The following EYS variants were observed in gnomAD, a reference collection of about 807,000 sequenced individuals.
EYS encodes the protein protein eyes shut homolog.
In EYS, 250 loss-of-function variants were observed where a neutral mutation model predicts 282.1. That is an observed-to-expected ratio of 0.89 (90% confidence interval 0.80 to 0.98). EYS has a LOEUF of 0.98. Among genes scored for constraint, EYS ranks in the 50% least tolerant of loss-of-function variants. The pLI is 0.00. For synonymous variants in EYS, 1,355 were observed against 1,282.9 expected, an observed-to-expected ratio of 1.06 and a Z score of -1.20; for missense variants, 4,016 against 3,709.0, an observed-to-expected ratio of 1.08 and a Z score of -2.15.
At chr6:64,155,745 A>G (rs1233171370) in intron 31 of EYS, among the ~76,000 whole-genome samples, 1 of 152,086 alleles carries the variant, frequency 6.6e-6, no homozygotes, top group Non-Finnish European at 1.5e-5. Context: ...TAAAATGTGT[A>G]TATTTTATTC....
chr6:64,784,407 T>C (rs1773954232), intron 22 of EYS, among the ~76,000 whole-genome samples: 1 of 152,176 alleles, frequency 6.6e-6, no homozygotes, highest in Non-Finnish European at 1.5e-5. Flanking sequence ...TTAAACCTTT[T>C]TATTTGGTCA....
intron 1 of EYS, among the ~76,000 whole-genome samples, chr6:65,659,763 C>G (rs897640293): frequency 1.3e-5 from 2 of 151,634 alleles, no homozygotes; most frequent in African/African-American, 4.8e-5. Flanking sequence ...ATTTTATGAA[C>G]TTACTATTTT....
chr6:64,568,404 C>G lies in EYS; in HGVS notation c.5644+21819G>C, dbSNP rs200047638. On this transcript the variant is annotated intron_variant, in intron 26 of 42. Coordinates refer to ENST00000503581, the MANE Select transcript of EYS (RefSeq NM_001142800.2). ...AGTGAGCATAGTGCCAAGACCTTTC[C>G]CTAGTCAAACGTAATAGTTTAAAAT... Among the ~76,000 whole-genome samples, 4 of 152,122 alleles carry G rather than the reference C, an allele frequency of 2.6e-5. No homozygotes were observed. In the East Asian group the frequency reaches 7.7e-4, roughly 29 times the overall value.
intron 12 of EYS, among the ~76,000 whole-genome samples, chr6:65,175,368 A>C (rs986653049): frequency 1.3e-5 from 2 of 151,384 alleles, no homozygotes; most frequent in African/African-American, 4.8e-5. Context: ...GTCATAGTTA[A>C]AGTTACAAAC....
At chr6:64,040,119 C>A (rs79741255) in intron 33 of EYS, among the ~76,000 whole-genome samples, 3,793 of 152,208 alleles carry the variant, frequency 0.025, 94 homozygotes, top group East Asian at 0.069. Context: ...GTTTTCAGTT[C>A]TTTTGTAGAG....
At chr6:65,044,398 T>A (rs572321800) in intron 13 of EYS, among the ~76,000 whole-genome samples, 10 of 151,978 alleles carry the variant, frequency 6.6e-5, no homozygotes, top group African/African-American at 2.4e-4. Flanking sequence ...ATCCCATTTG[T>A]CTAATTTTGC....
rs1425326469 is a variant in EYS, at chr6:65,689,794, C to T, written c.-448+17341G>A. Reference sequence around the variant, plus strand: ...CATGGTGGTTTGCTGCACCCCTCAACCCAACATCGCCAGATATTGTGGGAT... The same window carrying T: ...CATGGTGGTTTGCTGCACCCCTCAATCCAACATCGCCAGATATTGTGGGAT... On this transcript the variant is annotated intron_variant, in intron 1 of 42. Coordinates refer to ENST00000503581, the MANE Select transcript of EYS (RefSeq NM_001142800.2). 1.5e-4 allele frequency among the ~76,000 whole-genome samples: 22 copies of T among 149,822 alleles called. 1 individual carries two copies. In the Admixed American group the frequency reaches 1.5e-3, roughly 10 times the overall value.
intron 29 of EYS, among the ~76,000 whole-genome samples, chr6:64,331,579 C>T (rs968420470): frequency 8.2e-6 from 1 of 121,282 alleles, no homozygotes; most frequent in African/African-American, 3.4e-5. Flanking sequence ...AGATGGGAGG[C>T]TCGCCTTCCA....
At chr6:65,394,022 C>A (rs1327940880) in intron 7 of EYS, among the ~76,000 whole-genome samples, 2 of 152,050 alleles carry the variant, frequency 1.3e-5, no homozygotes, top group Non-Finnish European at 2.9e-5. Context: ...GCATATTTTA[C>A]AAAGTTTTCT....
At chr6:63,958,675 A>G (rs2149773002) in intron 35 of EYS, among the ~76,000 whole-genome samples, 1 of 152,340 alleles carries the variant, frequency 6.6e-6, no homozygotes, top group East Asian at 1.9e-4. Flanking sequence ...CCTGTTTTCA[A>G]AACTTCAAAG....
At chr6:64,834,913 G>A (rs767448455) in intron 19 of EYS, among the ~76,000 whole-genome samples, 16 of 151,820 alleles carry the variant, frequency 1.1e-4, no homozygotes, top group East Asian at 1.9e-4. Flanking sequence ...ACTGATGGTT[G>A]TACTATTGAG....
intron 22 of EYS, among the ~76,000 whole-genome samples, chr6:64,761,649 G>T (rs868057850): frequency 6.6e-5 from 10 of 152,074 alleles, no homozygotes; most frequent in African/African-American, 2.4e-4. Flanking sequence ...TAGAGATGGG[G>T]TTTCACCATG....
At chr6:63,806,165 T>G (rs1166459440) in intron 37 of EYS, 25 bp downstream of exon 37, 6 of 1,542,738 alleles carry the variant, frequency 3.9e-6, no homozygotes, top group Non-Finnish European at 5.3e-6. Flanking sequence ...GCGAGGCAAG[T>G]CCTAGAGGGT....
At chr6:64,964,875 A>C (rs1770042475) in intron 14 of EYS, among the ~76,000 whole-genome samples, 1 of 151,954 alleles carries the variant, frequency 6.6e-6, no homozygotes, top group Non-Finnish European at 1.5e-5. Context: ...TCTACTAAAA[A>C]TACAAAAGTT....
chr6:64,473,679 G>T (rs1204421647), intron 26 of EYS, among the ~76,000 whole-genome samples: 1 of 152,122 alleles, frequency 6.6e-6, no homozygotes, highest in African/African-American at 2.4e-5. Context: ...TAGAATGATA[G>T]AAGCCATTAA....
intron 26 of EYS, among the ~76,000 whole-genome samples, chr6:64,450,473 T>C (rs1366145647): frequency 2.0e-5 from 3 of 152,002 alleles, no homozygotes; most frequent in Non-Finnish European, 2.9e-5. Context: ...GATGAGGATA[T>C]CCAGGAATTG....
chr6:63,950,453 A>C (rs1042045917), intron 35 of EYS, among the ~76,000 whole-genome samples: 3 of 151,448 alleles, frequency 2.0e-5, no homozygotes, highest in Non-Finnish European at 4.4e-5. Flanking sequence ...TACCTACCCA[A>C]ATCCTATAAA....
At position 64,813,492 on chromosome 6, in the gene EYS, G is replaced by A; in HGVS notation, c.3329C>T (p.Thr1110Ile). 1 of 1,550,532 alleles carries A rather than the reference G, an allele frequency of 6.4e-7. No homozygotes were observed. Among genetic ancestry groups the A allele is most frequent in the Non-Finnish European group, 8.7e-7 (1 of 1,146,198 alleles). ...GFTCICPRGY[T>I]GAYCEKSIDN... ...AATGCTTTTTTCACAGTATGCACCA[G>A]TGTATCCACGTGGGCAAATGCAAGT... is the stretch of plus-strand genomic sequence containing the variant. Residue 1110 changes from threonine to isoleucine, a missense_variant, in exon 22 of 43, where the codon ACT (threonine) becomes ATT (isoleucine). Coordinates refer to ENST00000503581, the MANE Select transcript of EYS (RefSeq NM_001142800.2).
intron 12 of EYS, among the ~76,000 whole-genome samples, chr6:65,284,371 T>A (rs1200381898): frequency 6.6e-6 from 1 of 151,294 alleles, no homozygotes; most frequent in Non-Finnish European, 1.5e-5. Flanking sequence ...AAGCTACTAC[T>A]TTTTTTTTGC....
Sources: gnomAD v4.1 joint callset for allele counts (sites outside exome capture counted in the v4.1 genomes callset) on GRCh38, gnomAD v4.1.1 for gene constraint, MANE v1.5 for transcripts, NCBI Gene and HGNC (gene_info 2026-07-23, HGNC 2026-07-21) for gene names.